The following CXCL1 variants were observed in gnomAD, a reference collection of about 807,000 sequenced individuals.
The protein encoded by CXCL1 is C-X-C motif chemokine ligand 1.
A neutral mutation model predicts 11.7 loss-of-function variants in CXCL1; 9 were observed. The observed-to-expected ratio is 0.77, with a 90% CI of 0.46 to 1.34. CXCL1 has a LOEUF of 1.34. Ranked by LOEUF, CXCL1 falls within the 40% of genes most tolerant of loss-of-function variation. The pLI is 0.00. For missense variants in CXCL1, 146 were observed against 138.1 expected, an observed-to-expected ratio of 1.06 and a Z score of -0.29; for synonymous variants, 78 against 59.1, an observed-to-expected ratio of 1.32 and a Z score of -1.47.
At position 73,870,663 on chromosome 4, in the gene CXCL1, C is replaced by CTTAG; in HGVS notation, c.*127_*128insTTAG. Reference sequence around the variant, plus strand: ...GATTGTGCCTAATGTGTTTGAGCATCGCTTAGGAGAAGTCTTCTATTTATT... The same window carrying CTTAG: ...GATTGTGCCTAATGTGTTTGAGCATCTTAGGCTTAGGAGAAGTCTTCTATTTATT... On this transcript the variant is annotated 3_prime_UTR_variant, in exon 4 of 4. Coordinates refer to ENST00000395761, the MANE Select transcript of CXCL1 (RefSeq NM_001511.4). 9.9e-7 allele frequency: 1 copy of CTTAG among 1,011,152 alleles called. No individual in the cohort carries two copies. The allele number at this position is 1,011,152 out of a possible 1,614,324, so 62.6% of individuals were successfully genotyped here.
chr4:73,869,412 C>G lies in CXCL1; in HGVS notation c.-59C>G. ...AGAGCCACAGAGCCCGGGCCGCAGG[C>G]ACCTCCTCGCCAGCTCTTCCGCTCC... On this transcript the variant is annotated 5_prime_UTR_variant, in exon 1 of 4. Coordinates refer to ENST00000395761, the MANE Select transcript of CXCL1 (RefSeq NM_001511.4). The G allele has an allele frequency of 6.6e-7, 1 of 1,523,342 alleles. No individual in the cohort carries two copies. The highest frequency in any genetic ancestry group is 8.8e-7 in the Non-Finnish European group (1 of 1,133,986). The allele number at this position is 1,523,342 out of a possible 1,614,324, so 94.4% of individuals were successfully genotyped here. A position where few individuals can be genotyped will look rare whatever the true frequency, so the allele number is the denominator to read the frequency against.
chr4:73,869,598 G>C (rs552674189), intron 1 of CXCL1, 28 bp downstream of exon 1: 37 of 1,612,828 alleles, frequency 2.3e-5, no homozygotes, highest in African/African-American at 2.3e-4. Context: ...GGGGTCCCCG[G>C]GCCGGACGCG....
In CXCL1 at chr4:73,869,730, C is replaced by T. The variant is rs1328022334; in HGVS notation, c.162C>T (p.Pro54=). ...TGCAGACCCTGCAGGGAATTCACCCCAAGAACATCCAAAGTGTGAACGTGA... is the reference window on the plus strand; with the variant it reads ...TGCAGACCCTGCAGGGAATTCACCCTAAGAACATCCAAAGTGTGAACGTGA... ...QCLQTLQGIH[P]KNIQSVNVKS... is the part of the protein sequence containing the mutation. The change falls in exon 2 of 4, where the codon CCC becomes CCT. Residue 54 remains proline (P), a synonymous_variant. Coordinates refer to ENST00000395761, the MANE Select transcript of CXCL1 (RefSeq NM_001511.4). 6.2e-7 allele frequency: 1 copy of T among 1,614,080 alleles called. No homozygotes were observed. The highest frequency in any genetic ancestry group is 1.3e-5 in the African/African-American group (1 of 74,928).
chr4:73,870,586 G>T lies in CXCL1; in HGVS notation c.*50G>T. 3.7e-6 allele frequency: 6 copies of T among 1,610,866 alleles called. No homozygotes were observed. Among genetic ancestry groups the T allele is most frequent in the Non-Finnish European group, 5.1e-6 (6 of 1,178,048 alleles). ...GGTGGCTGTTCCTGAAGGAGGCCCT[G>T]CCCTTATAGGAACAGAAGAGGAAAG... On this transcript the variant is annotated 3_prime_UTR_variant, in exon 4 of 4. Coordinates refer to ENST00000395761, the MANE Select transcript of CXCL1 (RefSeq NM_001511.4).
intron 3 of CXCL1, 91 bp from the exon 4 acceptor site, chr4:73,870,430 C>T: frequency 6.5e-7 from 1 of 1,541,774 alleles, no homozygotes; most frequent in Non-Finnish European, 8.9e-7. Flanking sequence ...ATTCGGAAAA[C>T]TCTAGAGGCT....
chr4:73,869,484 C>T lies in CXCL1; in HGVS notation c.14C>T (p.Ala5Val), dbSNP rs1482897770. The T allele has an allele frequency of 6.4e-7, 1 of 1,571,462 alleles. No individual in the cohort carries two copies. The highest frequency in any genetic ancestry group is 1.9e-5 in the Admixed American group (1 of 53,378). Reference protein sequence around the residue: MARAALSAAPSNPRL... With the variant: MARAVLSAAPSNPRL... ...CTGCTGAGCCCCATGGCCCGCGCTG[C>T]TCTCTCCGCCGCCCCCAGCAATCCC... Residue 5 changes from alanine (A) to valine (V), a missense_variant, in exon 1 of 4, where the codon GCT becomes GTT. Transcript: ENST00000395761.
At position 73,871,177 on chromosome 4, in the gene CXCL1, G is replaced by A. The variant is rs917548131; in HGVS notation, c.*641G>A. 3.3e-5 allele frequency: 5 copies of A among 152,112 alleles called. No individual in the cohort carries two copies. The highest frequency in any genetic ancestry group is 7.3e-5 in the Non-Finnish European group (5 of 68,036). The allele number at this position is 152,112 out of a possible 1,614,324, so 9.4% of individuals were successfully genotyped here. ...GTAGTTTTACAGTGTTTCTGGCTTAGAACAAAGGGGCTTAATTATTGATGT... is the reference window on the plus strand; with the variant it reads ...GTAGTTTTACAGTGTTTCTGGCTTAAAACAAAGGGGCTTAATTATTGATGT... On this transcript the variant is annotated 3_prime_UTR_variant, in exon 4 of 4. Transcript: ENST00000395761.
Position 73,869,813 on chromosome 4 carries a change from C to T in CXCL1, c.224+21C>T, listed in dbSNP as rs753356054. 7 of 1,613,610 alleles carry T rather than the reference C, an allele frequency of 4.3e-6. No homozygotes were observed. In the Admixed American group the frequency reaches 1.0e-4, roughly 23 times the overall value. ...GTCATGTAAGTCCCGCCCCGCGCTGCCTCTGCCACCGCCGGGGTCCCAGAC... is the reference window on the plus strand; with the variant it reads ...GTCATGTAAGTCCCGCCCCGCGCTGTCTCTGCCACCGCCGGGGTCCCAGAC... On this transcript the variant is annotated intron_variant, in intron 2 of 3. Transcript: ENST00000395761.
In CXCL1 at chr4:73,870,578, G is replaced by C; in HGVS notation, c.*42G>C. On this transcript the variant is annotated 3_prime_UTR_variant, in exon 4 of 4. Coordinates refer to ENST00000395761, the MANE Select transcript of CXCL1 (RefSeq NM_001511.4). ...AGCTCACTGGTGGCTGTTCCTGAAG[G>C]AGGCCCTGCCCTTATAGGAACAGAA... The C allele has an allele frequency of 1.2e-6, 2 of 1,613,028 alleles. No individual in the cohort carries two copies. Among genetic ancestry groups the C allele is most frequent in the East Asian group, 2.2e-5 (1 of 44,872 alleles).
In CXCL1 at chr4:73,870,438, G is replaced by C. The variant is rs1014373839; in HGVS notation, c.309-83G>C. 7.6e-6 allele frequency: 12 copies of C among 1,571,416 alleles called. No individual in the cohort carries two copies. The Admixed American group carries it at 1.2e-4, about 16-fold the overall frequency. On this transcript the variant is annotated intron_variant, in intron 3 of 3. Transcript: ENST00000395761. ...AAACTGCATTCGGAAAACTCTAGAG[G>C]CTGGAGGAGCAGGGCAGGAGAAGAG...
At chr4:73,870,408 TG>T in intron 3 of CXCL1, 112 bp from the exon 4 acceptor site, 2 of 1,363,016 alleles carry the variant, frequency 1.5e-6, no homozygotes, top group Non-Finnish European at 2.0e-6. Context: ...GTTGCCAGGC[TG>T]GGGAAACTGC....
chr4:73,870,009 T>A lies in CXCL1; in HGVS notation c.308+20T>A. On this transcript the variant is annotated intron_variant, in intron 3 of 3. Transcript: ENST00000395761. ...GAACAGGTGAGTTATGGTTTCCATG[T>A]ACACAGGCGACTGGAGCCGTTGGTC... 2 of 1,612,024 alleles carry A rather than the reference T, an allele frequency of 1.2e-6. No individual in the cohort carries two copies. Among genetic ancestry groups the A allele is most frequent in the Non-Finnish European group, 1.7e-6 (2 of 1,178,124 alleles).
rs778012847 is a variant in CXCL1, at chr4:73,869,511, G to C, written c.41G>C (p.Arg14Pro). The C allele has an allele frequency of 6.3e-7, 1 of 1,594,440 alleles. No individual in the cohort carries two copies. ...CTCTCCGCCGCCCCCAGCAATCCCC[G>C]GCTCCTGCGAGTGGCACTGCTGCTC... is the stretch of plus-strand genomic sequence containing the variant. ...AALSAAPSNP[R>P]LLRVALLLLL... Residue 14 changes from arginine to proline, a missense_variant, in exon 1 of 4, where the codon CGG (arginine) becomes CCG (proline). Physicochemically the swap from Arg to Pro is moderately radical, Grantham distance 103 (BLOSUM62 -2). Coordinates refer to ENST00000395761, the MANE Select transcript of CXCL1 (RefSeq NM_001511.4).
In CXCL1 at chr4:73,870,512, T is replaced by G. The variant is rs1298891591; in HGVS notation, c.309-9T>G. On this transcript the variant is annotated splice_polypyrimidine_tract_variant and intron_variant, in intron 3 of 3. Coordinates refer to ENST00000395761, the MANE Select transcript of CXCL1 (RefSeq NM_001511.4). ...GCACCTACTCAGGGCACCCATTTTCTCATTGCAGTGACAAATCCAACTGAC... is the reference window on the plus strand; with the variant it reads ...GCACCTACTCAGGGCACCCATTTTCGCATTGCAGTGACAAATCCAACTGAC... 1 of 1,613,818 alleles carries G rather than the reference T, an allele frequency of 6.2e-7. No individual in the cohort carries two copies. Among genetic ancestry groups the G allele is most frequent in the Non-Finnish European group, 8.5e-7 (1 of 1,179,824 alleles).
At chr4:73,869,858 T>C (rs946076896) in intron 2 of CXCL1, 48 bp from the exon 3 acceptor site, 1 of 1,613,702 alleles carries the variant, frequency 6.2e-7, no homozygotes, top group Non-Finnish European at 8.5e-7. Context: ...GCCCCAACCC[T>C]GTCCCCAGCC....
chr4:73,869,898 C>A lies in CXCL1; in HGVS notation c.225-8C>A. ...CTCCTGCCTCACGAGATTCCCTTCC[C>A]TCTGCAGAGCCACACTCAAGAATGG... On this transcript the variant is annotated splice_polypyrimidine_tract_variant and splice_region_variant and intron_variant, in intron 2 of 3. Coordinates refer to ENST00000395761, the MANE Select transcript of CXCL1 (RefSeq NM_001511.4). The A allele has an allele frequency of 6.2e-7, 1 of 1,614,194 alleles. No homozygotes were observed. Among genetic ancestry groups the A allele is most frequent in the South Asian group, 1.1e-5 (1 of 91,086 alleles).
chr4:73,870,538 C>T lies in CXCL1; in HGVS notation c.*2C>T. 6.2e-7 allele frequency: 1 copy of T among 1,613,806 alleles called. No homozygotes were observed. Among genetic ancestry groups the T allele is most frequent in the Non-Finnish European group, 8.5e-7 (1 of 1,179,822 alleles). ...CATTGCAGTGACAAATCCAACTGAC[C>T]AGAAGGGAGGAGGAAGCTCACTGGT... On this transcript the variant is annotated 3_prime_UTR_variant, in exon 4 of 4. Coordinates refer to ENST00000395761, the MANE Select transcript of CXCL1 (RefSeq NM_001511.4).
Position 73,869,987 on chromosome 4 carries a change from C to T in CXCL1, c.306C>T (p.Asn102=), listed in dbSNP as rs549189473. The change falls in exon 3 of 4, where the codon AAC becomes AAT. Residue 102 remains asparagine, a splice_region_variant and synonymous_variant. Transcript: ENST00000395761. ...IVKKIIEKML[N]SDKSN is the part of the protein sequence containing the mutation. ...AGAAAATCATCGAAAAGATGCTGAA[C>T]AGGTGAGTTATGGTTTCCATGTACA... 2.2e-5 allele frequency: 36 copies of T among 1,614,082 alleles called. No individual in the cohort carries two copies. The South Asian group carries it at 3.2e-4, about 14-fold the overall frequency.
Position 73,869,483 on chromosome 4 carries a change from G to A in CXCL1, c.13G>A (p.Ala5Thr), listed in dbSNP as rs762637615. The A allele has an allele frequency of 3.8e-5, 60 of 1,570,338 alleles. No homozygotes were observed. The highest frequency in any genetic ancestry group is 2.8e-4 in the South Asian group (24 of 87,226). MARA[A>T]LSAAPSNPRL... is the part of the protein sequence containing the mutation. Reference sequence around the variant, plus strand: ...CCTGCTGAGCCCCATGGCCCGCGCTGCTCTCTCCGCCGCCCCCAGCAATCC... The same window carrying A: ...CCTGCTGAGCCCCATGGCCCGCGCTACTCTCTCCGCCGCCCCCAGCAATCC... The change falls in exon 1 of 4, where the codon GCT becomes ACT. Residue 5 changes from alanine (A) to threonine (T), a missense_variant. Ala to Thr is a moderately conservative substitution (Grantham distance 58). Coordinates refer to ENST00000395761, the MANE Select transcript of CXCL1 (RefSeq NM_001511.4).
Sources: allele counts gnomAD v4.1 joint callset, GRCh38; gene constraint gnomAD v4.1.1; transcripts MANE v1.5; gene names NCBI Gene and HGNC (gene_info 2026-07-23, HGNC 2026-07-21).